The following GCC2 variants were observed in gnomAD, a reference collection of about 807,000 sequenced individuals.
The protein encoded by GCC2 is GRIP and coiled-coil domain containing 2.
Under a neutral mutation model 210.6 loss-of-function variants are expected in GCC2, and 120 were observed. That is an observed-to-expected ratio of 0.57 (90% CI 0.49 to 0.66). The LOEUF is 0.66. Among genes scored for constraint, GCC2 ranks in the 30% least tolerant of loss-of-function variants. GCC2 has a pLI of 0.00. For missense variants in GCC2, 1,868 were observed against 1,871.9 expected (o/e 1.00, Z 0.04); for synonymous variants, 703 against 652.7 (o/e 1.08, Z -1.17).
rs760203594 is a variant in GCC2, at chr2:108,484,322, G to A, written c.3613+11G>A. On this transcript the variant is annotated intron_variant, in intron 13 of 22. Transcript: ENST00000309863. ...TACAAGAAGAAATAAGTGAGTTAAAGAAAATTCACTTTACTTTTTAATTAT... is the reference window on the plus strand; with the variant it reads ...TACAAGAAGAAATAAGTGAGTTAAAAAAAATTCACTTTACTTTTTAATTAT... 5 of 1,403,966 alleles carry A rather than the reference G, an allele frequency of 3.6e-6. No homozygotes were observed. Among genetic ancestry groups the A allele is most frequent in the Non-Finnish European group, 4.8e-6 (5 of 1,031,938 alleles). The allele number at this position is 1,403,966 out of a possible 1,614,324, so 87.0% of individuals were successfully genotyped here.
At position 108,471,881 on chromosome 2, in the gene GCC2, A is replaced by C. The variant is rs139623765; in HGVS notation, c.2552A>C (p.Gln851Pro). The change falls in exon 6 of 23, where the codon CAG (glutamine) becomes CCG (proline). Residue 851 changes from glutamine to proline, a missense_variant. By Grantham distance (76) the Gln-to-Pro change is moderately conservative. Around this residue, in one of 3 missense-constraint regions of GCC2, gnomAD observed 1,847 missense variants for 1,765.2 expected, o/e 1.05. Transcript: ENST00000309863. ...TTAAGGAAAGAGTTAGAAGAAATAC[A>C]GTCAGAAAAAGAGGCCCTGCAGTCT... ...VLLRKELEEI[Q>P]SEKEALQSDL... 2.7e-4 allele frequency: 432 copies of C among 1,608,814 alleles called. No homozygotes were observed. Among genetic ancestry groups the C allele is most frequent in the Non-Finnish European group, 3.4e-4 (403 of 1,178,428 alleles).
chr2:108,508,666 T>C lies in GCC2; in HGVS notation c.*1036T>C, dbSNP rs1347259111. The stretch of plus-strand genomic sequence containing the variant: ...TTGGCAGATAGTGTTCCATAAGCTT[T>C]CCATCAGAAGGGATTTTAGACACCT... On this transcript the variant is annotated 3_prime_UTR_variant, in exon 23 of 23. Coordinates refer to ENST00000309863, the MANE Select transcript of GCC2 (RefSeq NM_181453.4). 1 of 152,384 alleles carries C rather than the reference T, an allele frequency of 6.6e-6. No individual in the cohort carries two copies. The highest frequency in any genetic ancestry group is 1.5e-5 in the Non-Finnish European group (1 of 67,986). The allele number at this position is 152,384 out of a possible 1,614,324, so 9.4% of individuals were successfully genotyped here. A position where few individuals can be genotyped will look rare whatever the true frequency, so the allele number is the denominator to read the frequency against.
intron 18 of GCC2, among the ~76,000 whole-genome samples, chr2:108,492,127 C>A (rs1573224550): frequency 6.7e-6 from 1 of 148,862 alleles, no homozygotes; most frequent in African/African-American, 2.5e-5. Context: ...CTGAGTAAAT[C>A]AGAAGAGTGT....
At chr2:108,493,182 C>G in intron 19 of GCC2, 1 of 253,276 alleles carries the variant, frequency 3.9e-6, no homozygotes, top group South Asian at 5.5e-5. Context: ...CTCCACCTCC[C>G]GAGTTCAGGC....
chr2:108,453,767 A>G (rs527933820), intron 4 of GCC2, among the ~76,000 whole-genome samples: 2 of 147,838 alleles, frequency 1.4e-5, no homozygotes, highest in Admixed American at 1.4e-4. Context: ...CCTGGGCAAC[A>G]CAGCAAGACT....
chr2:108,463,027 T>C (rs1480683002), intron 4 of GCC2, among the ~76,000 whole-genome samples: 2 of 152,184 alleles, frequency 1.3e-5, no homozygotes, highest in African/African-American at 4.8e-5. Flanking sequence ...ATTCTTCAGT[T>C]CTAGAATTTC....
chr2:108,495,249 T>G, intron 19 of GCC2, 42 bp from the exon 20 acceptor site: 2 of 1,312,874 alleles, frequency 1.5e-6, no homozygotes, highest in South Asian at 2.6e-5. Context: ...ATCAATAGAT[T>G]TTGAACAATC....
chr2:108,472,507 A>G (rs1036098899), intron 6 of GCC2, among the ~76,000 whole-genome samples: 4 of 151,994 alleles, frequency 2.6e-5, no homozygotes, highest in South Asian at 4.1e-4. Flanking sequence ...CTAAAATTTT[A>G]GGGTTTTCTT....
At chr2:108,486,702 TCATTGGTTTACTC>T in intron 16 of GCC2, 54 bp downstream of exon 16, 1 of 1,548,206 alleles carries the variant, frequency 6.5e-7, no homozygotes, top group Non-Finnish European at 8.8e-7. Flanking sequence ...TATCAGCTAG[TCATTGGTTTACTC>T]CAGGGCTGTG....
intron 2 of GCC2, 78 bp downstream of exon 2, chr2:108,449,767 G>C (rs530811677): frequency 9.8e-6 from 11 of 1,127,468 alleles, no homozygotes; most frequent in South Asian, 6.6e-5. Context: ...ATGGGGAAGG[G>C]GGGGGCGCTG....
chr2:108,449,377 C>T, intron 1 of GCC2, 97 bp downstream of exon 1: 2 of 1,492,096 alleles, frequency 1.3e-6, no homozygotes, highest in Non-Finnish European at 9.0e-7. Flanking sequence ...TAGTCTCCCT[C>T]TTGGTGTCCC....
At chr2:108,497,260 G>A in intron 21 of GCC2, 151 bp downstream of exon 21, 1 of 1,276,702 alleles carries the variant, frequency 7.8e-7, no homozygotes, top group Non-Finnish European at 1.1e-6. Flanking sequence ...GGGACTACAG[G>A]TGCCCGCCAA....
At position 108,498,183 on chromosome 2, in the gene GCC2, C is replaced by CTTTTTTTTTTTTTTTTTTT. The variant is rs3084885; in HGVS notation, c.4782+1086_4782+1104dup. Among the ~76,000 whole-genome samples the CTTTTTTTTTTTTTTTTTTT allele has an allele frequency of 1.6e-4, 9 of 57,466 alleles. 2 individuals are homozygous for CTTTTTTTTTTTTTTTTTTT. Among genetic ancestry groups the CTTTTTTTTTTTTTTTTTTT allele is most frequent in the African/African-American group, 2.2e-4 (3 of 13,634 alleles). 37.7% of individuals were successfully genotyped at this position (57,466 alleles called of 152,430 possible). A position where few individuals can be genotyped will look rare whatever the true frequency, so the allele number is the denominator to read the frequency against. The stretch of plus-strand genomic sequence containing the variant: ...ATGACTTATTTAAATGTTATATTTT[C>CTTTTTTTTTTTTTTTTTTT]TTTTTTTTTTTTTTTTTTTTTTTTT... On this transcript the variant is annotated intron_variant, in intron 21 of 22. Transcript: ENST00000309863.
In GCC2 at chr2:108,470,275, T is replaced by C. The variant is rs751245972; in HGVS notation, c.946T>C (p.Cys316Arg). 19 of 1,613,334 alleles carry C rather than the reference T, an allele frequency of 1.2e-5. No individual in the cohort carries two copies. The highest frequency in any genetic ancestry group is 1.7e-5 in the Admixed American group (1 of 59,944). ...TSNANQDNQI[C>R]SILLQENTFV... ...AAATGCAAACCAAGACAATCAGATA[T>C]GTTCTATTCTCTTGCAAGAAAATAC... is the stretch of plus-strand genomic sequence containing the variant. The change falls in exon 6 of 23, where the codon TGT becomes CGT. Residue 316 changes from cysteine to arginine, a missense_variant. By Grantham distance (180) the Cys-to-Arg change is radical. Coordinates refer to ENST00000309863, the MANE Select transcript of GCC2 (RefSeq NM_181453.4).
rs182645789 is a variant in GCC2 at position 108,471,338 on chromosome 2, T to C, written c.2009T>C (p.Met670Thr). The C allele has an allele frequency of 6.9e-5, 111 of 1,611,926 alleles. No homozygotes were observed. The highest frequency in any genetic ancestry group is 3.1e-4 in the East Asian group (14 of 44,746). ...DQNDQKLEKL[M>T]VQMKVLSEDK... ...AATGACCAAAAACTAGAAAAACTTA[T>C]GGTTCAAATGAAAGTTCTCTCTGAA... is the stretch of plus-strand genomic sequence containing the variant. Residue 670 changes from methionine to threonine, a missense_variant, in exon 6 of 23, where the codon ATG becomes ACG. Met to Thr is a moderately conservative substitution (Grantham distance 81, BLOSUM62 -1). This residue lies in a region of GCC2 where 1,847 missense variants were observed against 1,765.2 expected (regional missense o/e 1.05). Transcript: ENST00000309863.
At chr2:108,451,713 G>A (rs1473541875) in intron 3 of GCC2, among the ~76,000 whole-genome samples, 1 of 151,946 alleles carries the variant, frequency 6.6e-6, no homozygotes, top group African/African-American at 2.4e-5. Context: ...AAAGATAAAA[G>A]TATGTCTTGG....
At chr2:108,465,740 A>G (rs944043559) in intron 4 of GCC2, among the ~76,000 whole-genome samples, 2 of 152,164 alleles carry the variant, frequency 1.3e-5, no homozygotes, top group African/African-American at 4.8e-5. Flanking sequence ...TGATAGATCT[A>G]TGTTTAGCTC....
At chr2:108,472,580 G>A (rs1023560242) in intron 6 of GCC2, among the ~76,000 whole-genome samples, 1 of 151,196 alleles carries the variant, frequency 6.6e-6, no homozygotes, top group Non-Finnish European at 1.5e-5. Context: ...TAATGTATCA[G>A]GTTGTTTATC....
At chr2:108,463,990 C>A (rs1263099781) in intron 4 of GCC2, among the ~76,000 whole-genome samples, 3 of 151,946 alleles carry the variant, frequency 2.0e-5, no homozygotes, top group East Asian at 1.9e-4. Context: ...AATACCTAGT[C>A]CCCTGGACAT....
Sources: gnomAD v4.1 joint callset for allele counts (sites outside exome capture counted in the v4.1 genomes callset) on GRCh38, gnomAD v4.1.1 for gene constraint, gnomAD v4.1.1 regional missense constraint, MANE v1.5 for transcripts, NCBI Gene and HGNC (gene_info 2026-07-23, HGNC 2026-07-21) for gene names.